Variants in TLK2 observed in about 807,000 individuals in gnomAD.
TLK2 encodes the protein serine/threonine-protein kinase tousled-like 2.
Under a neutral mutation model 117.3 loss-of-function variants are expected in TLK2, and 6 were observed. That is an observed-to-expected ratio of 0.05 (90% CI 0.03 to 0.10). The LOEUF (loss-of-function observed/expected upper bound fraction) is 0.10. Ranked by LOEUF, TLK2 falls within the 10% of genes least tolerant of loss-of-function variation. The pLI, the probability that TLK2 is intolerant of heterozygous loss-of-function variation, is 1.00. For missense variants in TLK2, 299 were observed against 901.2 expected (o/e 0.33, Z 8.56); for synonymous variants, 257 against 316.7 (o/e 0.81, Z 2.00).
intron 15 of TLK2, among the ~76,000 whole-genome samples, chr17:62,580,542 A>C (rs1162551304): frequency 6.6e-6 from 1 of 152,180 alleles, no homozygotes; most frequent in African/African-American, 2.4e-5. Context: ...TACAGAATAG[A>C]TGTGTCAAAC....
intron 16 of TLK2, among the ~76,000 whole-genome samples, chr17:62,596,234 C>T (rs2147099793): frequency 6.6e-6 from 1 of 152,276 alleles, no homozygotes; most frequent in East Asian, 1.9e-4. Flanking sequence ...CACCACTACG[C>T]CCAGCTAAGT....
At chr17:62,532,078 T>G (rs2076777839) in intron 6 of TLK2, among the ~76,000 whole-genome samples, 1 of 152,198 alleles carries the variant, frequency 6.6e-6, no homozygotes, top group Admixed American at 6.5e-5. Context: ...GTGGCTTTGG[T>G]ACTTCTTTTA....
In TLK2 at chr17:62,493,021, C is replaced by T. The variant is rs148266057; in HGVS notation, c.81+11815C>T. On this transcript the variant is annotated intron_variant, in intron 2 of 21. Coordinates refer to ENST00000346027, the MANE Select transcript of TLK2 (RefSeq NM_006852.6). ...GCTGATGCAAGAGAATCACTTGAAC[C>T]GGGAGGTGGAGGTTGCAGTGAGCCG... Among the ~76,000 whole-genome samples the T allele has an allele frequency of 2.6e-3, 402 of 152,070 alleles. 3 individuals carry two copies. The highest frequency in any genetic ancestry group is 6.8e-3 in the Middle Eastern group (2 of 294).
chr17:62,483,534 A>T (rs1360901487), intron 2 of TLK2, among the ~76,000 whole-genome samples: 6 of 152,192 alleles, frequency 3.9e-5, no homozygotes, highest in Non-Finnish European at 8.8e-5. Flanking sequence ...AGAGGGTCTC[A>T]CTCTCTAGCC....
chr17:62,538,008 A>G (rs1175967244), intron 7 of TLK2, among the ~76,000 whole-genome samples: 1 of 149,478 alleles, frequency 6.7e-6, no homozygotes, highest in Non-Finnish European at 1.5e-5. Flanking sequence ...AATGTTTATC[A>G]TACACTTACT....
At chr17:62,496,956 CAAAAA>C (rs1156828880) in intron 2 of TLK2, among the ~76,000 whole-genome samples, 1 of 43,402 alleles carries the variant, frequency 2.3e-5, no homozygotes. Context: ...GACTCCATCT[CAAAAA>C]AAAAAAAAAA....
chr17:62,519,172 A>G (rs1331155115), intron 2 of TLK2, among the ~76,000 whole-genome samples: 1 of 152,218 alleles, frequency 6.6e-6, no homozygotes, highest in African/African-American at 2.4e-5. Flanking sequence ...GGAGTGAGCC[A>G]CTGCTCCCAG....
At chr17:62,588,103 A>T (rs1026166506) in intron 16 of TLK2, among the ~76,000 whole-genome samples, 10 of 148,216 alleles carry the variant, frequency 6.7e-5, no homozygotes, top group Non-Finnish European at 1.5e-4. Context: ...ACATCTGTAT[A>T]TGTATAAAAT....
rs1385208928 is a variant in TLK2 at position 62,546,341 on chromosome 17, A to ATTTTTTTTTTTTTTTTTTTT, written c.532-5959_532-5958insTTTTTTTTTTTTTTTTTTTT. ...AAAGTTCCCTATTTTGAGTTTGTTG[A>ATTTTTTTTTTTTTTTTTTTT]TTGTTTTTTTTTTTTTTTTACATAA... is the stretch of plus-strand genomic sequence containing the variant. On this transcript the variant is annotated intron_variant, in intron 7 of 21. Coordinates refer to ENST00000346027, the MANE Select transcript of TLK2 (RefSeq NM_006852.6). 1.4e-3 allele frequency among the ~76,000 whole-genome samples: 12 copies of ATTTTTTTTTTTTTTTTTTTT among 8,862 alleles called. 1 individual carries two copies. Among genetic ancestry groups the ATTTTTTTTTTTTTTTTTTTT allele is most frequent in the Admixed American group, 4.0e-3 (2 of 494 alleles). 5.8% of individuals were successfully genotyped at this position (8,862 alleles called of 152,430 possible).
At chr17:62,472,476 T>C (rs1406125852) in intron 1 of TLK2, among the ~76,000 whole-genome samples, 2 of 151,722 alleles carry the variant, frequency 1.3e-5, no homozygotes, top group Non-Finnish European at 2.9e-5. Context: ...CGGTGGCTCA[T>C]GCCTGTAATC....
chr17:62,573,829 G>A lies in TLK2; in HGVS notation c.1121+462G>A, dbSNP rs148134912. Among the ~76,000 whole-genome samples, 49 of 152,282 alleles carry A rather than the reference G, an allele frequency of 3.2e-4. 1 individual carries two copies. Among genetic ancestry groups the A allele is most frequent in the African/African-American group, 1.1e-3 (46 of 41,550 alleles). On this transcript the variant is annotated intron_variant, in intron 12 of 21. Coordinates refer to ENST00000346027, the MANE Select transcript of TLK2 (RefSeq NM_006852.6). ...CCAGAAAGCTGTTATGTTAGAAAAG[G>A]ACATTGTCCCAATAAGCCACAACTT...
At chr17:62,527,235 C>T (rs2076423828) in intron 6 of TLK2, among the ~76,000 whole-genome samples, 2 of 152,138 alleles carry the variant, frequency 1.3e-5, no homozygotes, top group South Asian at 4.1e-4. Context: ...AATAGCAGTC[C>T]CTCATACCTT....
chr17:62,584,107 G>GTTTTTTTTTTTTTTTTTTTT (rs572000997), intron 15 of TLK2, among the ~76,000 whole-genome samples: 1 of 78,524 alleles, frequency 1.3e-5, no homozygotes, highest in Non-Finnish European at 2.3e-5. Context: ...TTCTTTTGTG[G>GTTTTTTTTTTTTTTTTTTTT]TTTTTTTTTT....
intron 1 of TLK2, among the ~76,000 whole-genome samples, chr17:62,480,717 C>T (rs1457231151): frequency 6.6e-6 from 1 of 152,150 alleles, no homozygotes; most frequent in Non-Finnish European, 1.5e-5. Context: ...GGACTACTTC[C>T]TGAGTGGGAA....
chr17:62,472,940 G>C (rs2070969076), intron 1 of TLK2, among the ~76,000 whole-genome samples: 3 of 152,172 alleles, frequency 2.0e-5, no homozygotes, highest in Non-Finnish European at 4.4e-5. Context: ...GTCCACAGCA[G>C]ACAGCTATCT....
At chr17:62,593,700 G>T (rs970047409) in intron 16 of TLK2, among the ~76,000 whole-genome samples, 7 of 150,336 alleles carry the variant, frequency 4.7e-5, no homozygotes, top group African/African-American at 7.3e-5. Flanking sequence ...TGATAACAAT[G>T]CCTTTTCCTG....
chr17:62,555,996 A>G (rs2078839827), intron 9 of TLK2, among the ~76,000 whole-genome samples: 1 of 151,882 alleles, frequency 6.6e-6, no homozygotes, highest in African/African-American at 2.4e-5. Flanking sequence ...ACAGAGTCTC[A>G]CTTTGTCACC....
intron 2 of TLK2, among the ~76,000 whole-genome samples, chr17:62,489,703 C>T (rs2072900002): frequency 6.6e-6 from 1 of 152,186 alleles, no homozygotes; most frequent in Admixed American, 6.6e-5. Flanking sequence ...AACAGAGTTC[C>T]CATATACTTC....
chr17:62,572,110 C>CAGTG (rs2080349423), intron 11 of TLK2, among the ~76,000 whole-genome samples: 1 of 149,024 alleles, frequency 6.7e-6, no homozygotes, highest in Non-Finnish European at 1.5e-5. Context: ...ACAGAGCTTG[C>CAGTG]AGTGAGCTGA....
Sources: allele counts gnomAD v4.1 joint callset (sites outside exome capture counted in the v4.1 genomes callset), GRCh38; gene constraint gnomAD v4.1.1; transcripts MANE v1.5; gene names NCBI Gene and HGNC (gene_info 2026-07-23, HGNC 2026-07-21).